The following CC2D2A variants were observed in gnomAD, a reference collection of about 807,000 sequenced individuals.
CC2D2A encodes coiled-coil and C2 domain-containing protein 2A.
In CC2D2A, 155 loss-of-function variants were observed where a neutral mutation model predicts 212.9. The ratio of observed to expected loss-of-function variants is 0.73; its 90% CI spans 0.64 to 0.83. CC2D2A has a LOEUF of 0.83. Ranked by LOEUF, CC2D2A falls within the 40% of genes least tolerant of loss-of-function variation. The pLI is 0.00. For missense variants in CC2D2A, 1,856 were observed against 1,956.2 expected (o/e 0.95, Z 0.97); for synonymous variants, 667 against 686.5 (o/e 0.97, Z 0.44).
At chr4:15,509,963 G>A (rs1368312450) in intron 6 of CC2D2A, among the ~76,000 whole-genome samples, 176 bp from the exon 7 acceptor site, 3 of 152,200 alleles carry the variant, frequency 2.0e-5, no homozygotes, top group East Asian at 1.9e-4. Context: ...ACAGGCTGTC[G>A]CTATGGAGCG....
chr4:15,576,500 T>C (rs1318205846), intron 29 of CC2D2A: 1 of 259,882 alleles, frequency 3.8e-6, no homozygotes, highest in African/African-American at 2.3e-5. Flanking sequence ...CTTATTTTAA[T>C]ATCACTTACA....
intron 24 of CC2D2A, chr4:15,563,859 G>A: frequency 4.2e-6 from 1 of 235,462 alleles, no homozygotes; most frequent in Admixed American, 5.0e-5. Flanking sequence ...CCATGTGATG[G>A]AAGTGGCCCA....
intron 13 of CC2D2A, 88 bp from the exon 14 acceptor site, chr4:15,533,105 G>C (rs1023730258): frequency 1.9e-6 from 2 of 1,071,050 alleles, no homozygotes; most frequent in Non-Finnish European, 2.6e-6. Context: ...CTATCAAATT[G>C]AATATACAAT....
chr4:15,553,390 T>C (rs756395804), intron 19 of CC2D2A, 85 bp downstream of exon 19: 14 of 1,413,478 alleles, frequency 9.9e-6, no homozygotes, highest in Non-Finnish European at 1.3e-5. Flanking sequence ...TGCAGTATCA[T>C]ATTCTTTCCT....
chr4:15,476,396 A>G (rs1296090550), intron 2 of CC2D2A, among the ~76,000 whole-genome samples: 3 of 152,240 alleles, frequency 2.0e-5, no homozygotes, highest in Admixed American at 1.3e-4. Flanking sequence ...CATTTAGTTT[A>G]CTAAGATTGC....
chr4:15,547,311 G>A (rs1293405207), intron 17 of CC2D2A, among the ~76,000 whole-genome samples: 1 of 152,160 alleles, frequency 6.6e-6, no homozygotes, highest in Non-Finnish European at 1.5e-5. Context: ...TTGTGTTGCA[G>A]ACATTTTAAA....
Position 15,511,343 on chromosome 4 carries a change from A to T in CC2D2A, c.637A>T (p.Arg213Ter). The change falls in exon 8 of 37, where the codon AGA (arginine) becomes TGA (stop). Residue 213 changes from arginine to a stop codon, truncating the protein, a stop_gained. Transcript: ENST00000424120. LOFTEE classifies it high-confidence loss of function. ...PEGSEEKPKA[R>*]HRAGTNQEEE... Reference sequence around the variant, plus strand: ...AGGATCAGAGGAAAAACCAAAAGCAAGACATAGAGCGGGAACTAATCAAGA... The same window carrying T: ...AGGATCAGAGGAAAAACCAAAAGCATGACATAGAGCGGGAACTAATCAAGA... 6.3e-7 allele frequency: 1 copy of T among 1,594,850 alleles called. No homozygotes were observed. The highest frequency in any genetic ancestry group is 8.5e-7 in the Non-Finnish European group (1 of 1,172,778).
intron 8 of CC2D2A, chr4:15,511,686 G>A: frequency 4.2e-6 from 1 of 240,628 alleles, no homozygotes. Flanking sequence ...TGTGGCTTGA[G>A]GGTTTTTCTT....
At chr4:15,577,135 G>C (rs1295201179) in intron 29 of CC2D2A, among the ~76,000 whole-genome samples, 1 of 150,798 alleles carries the variant, frequency 6.6e-6, no homozygotes, top group Non-Finnish European at 1.5e-5. Context: ...TGGGACCACA[G>C]GCATGTGCCA....
rs114612284 is a variant in CC2D2A, at chr4:15,599,367, G to A, written c.4497-162G>A. ...ACTGCATGTTAATTTTGAATCCCCA[G>A]GGAGTAGCCCATTATTAGACATTAA... On this transcript the variant is annotated intron_variant, in intron 35 of 36. Transcript: ENST00000424120. Among the ~76,000 whole-genome samples, 716 of 152,118 alleles carry A rather than the reference G, an allele frequency of 4.7e-3. 9 individuals are homozygous for A. The highest frequency in any genetic ancestry group is 0.016 in the African/African-American group (670 of 41,488).
chr4:15,577,538 C>T (rs915842542), intron 29 of CC2D2A, among the ~76,000 whole-genome samples: 2 of 152,078 alleles, frequency 1.3e-5, no homozygotes, highest in African/African-American at 4.8e-5. Flanking sequence ...TCCTGTTTCA[C>T]ACCATAAAAT....
intron 24 of CC2D2A, among the ~76,000 whole-genome samples, chr4:15,564,798 T>C (rs1442852431): frequency 6.6e-6 from 1 of 151,986 alleles, no homozygotes; most frequent in African/African-American, 2.4e-5. Flanking sequence ...CCATCTCAGC[T>C]TCCCAACTAG....
At chr4:15,526,146 G>A (rs1717499658) in intron 11 of CC2D2A, among the ~76,000 whole-genome samples, 2 of 152,126 alleles carry the variant, frequency 1.3e-5, no homozygotes, top group African/African-American at 4.8e-5. Context: ...TTAGATCCTA[G>A]GGCTGTCTTC....
At chr4:15,533,054 AT>A in intron 13 of CC2D2A, 138 bp from the exon 14 acceptor site, 1 of 619,156 alleles carries the variant, frequency 1.6e-6, no homozygotes. Flanking sequence ...TTACATTCAC[AT>A]TTGTATTTAG....
chr4:15,502,731 C>A, intron 5 of CC2D2A, 91 bp from the exon 6 acceptor site: 1 of 1,184,494 alleles, frequency 8.4e-7, no homozygotes, highest in African/African-American at 1.5e-5. Flanking sequence ...CCTTGCTCTT[C>A]CCCTTAAAGA....
At chr4:15,511,019 G>T (rs1353680555) in intron 7 of CC2D2A, among the ~76,000 whole-genome samples, 2 of 152,148 alleles carry the variant, frequency 1.3e-5, no homozygotes, top group East Asian at 1.9e-4. Context: ...AATTGCTGGG[G>T]TTTTTTAAAG....
At chr4:15,590,969 C>A (rs1487143414) in intron 33 of CC2D2A, among the ~76,000 whole-genome samples, 1 of 152,072 alleles carries the variant, frequency 6.6e-6, no homozygotes, top group Admixed American at 6.6e-5. Context: ...CTCAAGTGAT[C>A]CACCTGCCTT....
intron 33 of CC2D2A, among the ~76,000 whole-genome samples, chr4:15,594,084 TG>T (rs1270262577): frequency 6.6e-6 from 1 of 152,102 alleles, no homozygotes; most frequent in Non-Finnish European, 1.5e-5. Context: ...CTCTCCAGCT[TG>T]CTCACTCTTT....
Position 15,515,951 on chromosome 4 carries a change from G to A in CC2D2A, c.964G>A (p.Val322Met), listed in dbSNP as rs1010349592. The A allele has an allele frequency of 7.6e-6, 12 of 1,577,440 alleles. No individual in the cohort carries two copies. Among genetic ancestry groups the A allele is most frequent in the Non-Finnish European group, 1.0e-5 (12 of 1,161,254 alleles). ...CCTTTACACCGGGGTAAGACCAGAGGTGGCACGCACCAATCAGAACATCAT... is the reference window on the plus strand; with the variant it reads ...CCTTTACACCGGGGTAAGACCAGAGATGGCACGCACCAATCAGAACATCAT... ...EGLYTGVRPE[V>M]ARTNQNIMEN... Residue 322 changes from valine (V) to methionine (M), a missense_variant, in exon 10 of 37, where the codon GTG (valine) becomes ATG (methionine). Coordinates refer to ENST00000424120, the MANE Select transcript of CC2D2A (RefSeq NM_001378615.1).
Sources: gnomAD v4.1 joint callset for allele counts (sites outside exome capture counted in the v4.1 genomes callset) on GRCh38, gnomAD v4.1.1 for gene constraint, MANE v1.5 for transcripts, NCBI Gene and HGNC (gene_info 2026-07-23, HGNC 2026-07-21) for gene names.